ERI3: variants seen among roughly 807,000 people sequenced by gnomAD.
The protein encoded by ERI3 is ERI1 exoribonuclease family member 3.
A neutral mutation model predicts 44.4 loss-of-function variants in ERI3; 18 were observed. That is an observed-to-expected ratio of 0.41 (90% CI 0.28 to 0.60). The LOEUF (loss-of-function observed/expected upper bound fraction) is 0.60. ERI3 is among the 20% of genes least tolerant of loss of function. The probability of loss-of-function intolerance (pLI) is 0.36; values close to 1 mark genes in which losing one functional copy is unlikely to be tolerated. For missense variants in ERI3, 294 were observed against 435.5 expected (o/e 0.68, Z 2.89); for synonymous variants, 183 against 164.8 (o/e 1.11, Z -0.84).
intron 2 of ERI3, among the ~76,000 whole-genome samples, chr1:44,345,298 T>C (rs1005832781): frequency 6.6e-6 from 1 of 152,204 alleles, no homozygotes; most frequent in Non-Finnish European, 1.5e-5. Flanking sequence ...AGGAGGCCAC[T>C]GTGAAACAGG....
intron 8 of ERI3, among the ~76,000 whole-genome samples, chr1:44,224,212 A>T (rs1643979207): frequency 6.6e-6 from 1 of 152,146 alleles, no homozygotes; most frequent in Non-Finnish European, 1.5e-5. Flanking sequence ...AGCCAAACTG[A>T]TCTTTCTTAC....
chr1:44,229,512 C>T (rs1572058795), intron 8 of ERI3, among the ~76,000 whole-genome samples: 1 of 152,170 alleles, frequency 6.6e-6, no homozygotes, highest in East Asian at 1.9e-4. Context: ...ATTACCCCGC[C>T]CTGATTGGGA....
rs905465608 is a variant in ERI3 at position 44,339,216 on chromosome 1, T to C, written c.318A>G (p.Leu106=). The C allele has an allele frequency of 5.6e-6, 9 of 1,612,918 alleles. No homozygotes were observed. The highest frequency in any genetic ancestry group is 6.8e-6 in the Non-Finnish European group (8 of 1,179,842). The change falls in exon 3 of 9, where the codon TTA becomes TTG. Residue 106 remains leucine, a synonymous_variant. Transcript: ENST00000372257. Reference sequence around the variant, plus strand: ...ACTCCGGAACACCACAGGGAGAAAATAAGTGGGAGCCCAGCACTTTTCTTG... The same window carrying C: ...ACTCCGGAACACCACAGGGAGAAAACAAGTGGGAGCCCAGCACTTTTCTTG... ...SRARKVLGSH[L]FSPCGVPEFC...
At chr1:44,328,440 GGCCAACA>G (rs1646360834) in intron 3 of ERI3, among the ~76,000 whole-genome samples, 1 of 151,990 alleles carries the variant, frequency 6.6e-6, no homozygotes. Context: ...CTGGGGATGG[GGCCAACA>G]GCCTTGGTTT....
chr1:44,229,694 G>A (rs1282191909), intron 8 of ERI3, among the ~76,000 whole-genome samples: 1 of 152,232 alleles, frequency 6.6e-6, no homozygotes, highest in African/African-American at 2.4e-5. Context: ...TCAGGGGCCT[G>A]GGCGTACAGG....
chr1:44,323,514 C>T (rs1381866743), intron 3 of ERI3, among the ~76,000 whole-genome samples: 2 of 152,176 alleles, frequency 1.3e-5, no homozygotes, highest in Admixed American at 1.3e-4. Flanking sequence ...ATTCACCAGG[C>T]AGGGGCTGGC....
chr1:44,348,209 T>TAAAAAGAGCG (rs1234974038), intron 2 of ERI3, among the ~76,000 whole-genome samples: 2 of 151,946 alleles, frequency 1.3e-5, no homozygotes, highest in African/African-American at 2.4e-5. Context: ...CCTCCCTAGT[T>TAAAAAGAGCG]AAAAAGAGCG....
rs1491469187 is a variant in ERI3 at position 44,226,776 on chromosome 1, TAA to T, written c.932-5138_932-5137del. 7.0e-5 allele frequency among the ~76,000 whole-genome samples: 5 copies of T among 71,730 alleles called. No individual in the cohort carries two copies. In the East Asian group the frequency reaches 9.5e-4, roughly 14 times the overall value. The allele number at this position is 71,730 out of a possible 152,430, so 47.1% of individuals were successfully genotyped here. A position where few individuals can be genotyped will look rare whatever the true frequency, so the allele number is the denominator to read the frequency against. ...TCTTGCTTCTCTATCTCAGCATTAT[TAA>T]ACACACACACACACACACACACACA... On this transcript the variant is annotated intron_variant, in intron 8 of 8. Coordinates refer to ENST00000372257, the MANE Select transcript of ERI3 (RefSeq NM_024066.3).
intron 6 of ERI3, among the ~76,000 whole-genome samples, chr1:44,290,490 A>G (rs752512560): frequency 3.3e-5 from 5 of 152,158 alleles, no homozygotes; most frequent in Non-Finnish European, 7.3e-5. Context: ...CCTGCAGCTC[A>G]TAACTGCCAC....
At chr1:44,352,427 T>C (rs1484454859) in intron 2 of ERI3, among the ~76,000 whole-genome samples, 6 of 150,896 alleles carry the variant, frequency 4.0e-5, no homozygotes, top group African/African-American at 7.4e-5. Context: ...GATAGATAGA[T>C]AGATAGATAG....
intron 2 of ERI3, among the ~76,000 whole-genome samples, chr1:44,342,239 G>A (rs895632747): frequency 2.0e-5 from 3 of 152,176 alleles, no homozygotes; most frequent in African/African-American, 7.2e-5. Context: ...TCAGAGCCGA[G>A]GGGGATGTGG....
At chr1:44,236,329 T>G (rs1470940047) in intron 8 of ERI3, among the ~76,000 whole-genome samples, 1 of 152,234 alleles carries the variant, frequency 6.6e-6, no homozygotes, top group African/African-American at 2.4e-5. Flanking sequence ...ATTTCTTGCC[T>G]TCAGGGAACT....
intron 4 of ERI3, among the ~76,000 whole-genome samples, chr1:44,319,010 A>C (rs1046174113): frequency 2.6e-5 from 4 of 152,176 alleles, no homozygotes; most frequent in Admixed American, 2.6e-4. Flanking sequence ...CAATCATTAA[A>C]ATCTCAGTTA....
In ERI3 at chr1:44,221,468, A is replaced by C; in HGVS notation, c.*90T>G. On this transcript the variant is annotated 3_prime_UTR_variant, in exon 9 of 9. Coordinates refer to ENST00000372257, the MANE Select transcript of ERI3 (RefSeq NM_024066.3). The surrounding 1 kb of genome is among the most constrained non-coding windows in gnomAD (Gnocchi z 5.9). ...GACACTCTGGACACAGAGCTATGCC[A>C]CTCTCCCTCTTCCCCTCTGGTGAGG... The C allele has an allele frequency of 9.3e-7, 1 of 1,072,798 alleles. No homozygotes were observed. Among genetic ancestry groups the C allele is most frequent in the Non-Finnish European group, 1.4e-6 (1 of 700,802 alleles). 66.5% of individuals were successfully genotyped at this position (1,072,798 alleles called of 1,614,324 possible). A position where few individuals can be genotyped will look rare whatever the true frequency, so the allele number is the denominator to read the frequency against.
chr1:44,297,587 C>T (rs1428460762), intron 6 of ERI3, among the ~76,000 whole-genome samples: 1 of 152,174 alleles, frequency 6.6e-6, no homozygotes, highest in African/African-American at 2.4e-5. Context: ...GCCAACACCC[C>T]TGTAGCCTTC....
chr1:44,297,673 C>G (rs184480296), intron 6 of ERI3, among the ~76,000 whole-genome samples: 31 of 152,306 alleles, frequency 2.0e-4, no homozygotes, highest in Non-Finnish European at 3.8e-4. Context: ...GTGCCTGGAT[C>G]TGCATAGCAT....
At chr1:44,293,791 A>G (rs1319098014) in intron 6 of ERI3, among the ~76,000 whole-genome samples, 1 of 152,072 alleles carries the variant, frequency 6.6e-6, no homozygotes, top group Non-Finnish European at 1.5e-5. Context: ...AGGGCTGATC[A>G]CCTCACTGTC....
intron 7 of ERI3, among the ~76,000 whole-genome samples, chr1:44,275,840 C>T (rs1457430633): frequency 1.3e-5 from 2 of 152,166 alleles, no homozygotes; most frequent in African/African-American, 2.4e-5. Flanking sequence ...TGCCTGCTTC[C>T]CCAGAAGCCC....
At chr1:44,313,112 G>T in intron 5 of ERI3, 57 bp downstream of exon 5, 1 of 1,431,108 alleles carries the variant, frequency 7.0e-7, no homozygotes. Flanking sequence ...GGAGGGGAGG[G>T]AGAGAAAGGC....
Sources: gnomAD v4.1 joint callset for allele counts (sites outside exome capture counted in the v4.1 genomes callset) on GRCh38, gnomAD v4.1.1 for gene constraint, Gnocchi (gnomAD v3.1) non-coding constraint, MANE v1.5 for transcripts, NCBI Gene and HGNC (gene_info 2026-07-23, HGNC 2026-07-21) for gene names.